Variants in DOCK4 observed in about 807,000 individuals in gnomAD.
DOCK4 encodes dedicator of cytokinesis 4, also known as dedicator of cytokinesis protein 4.
In DOCK4, 97 loss-of-function variants were observed where a neutral mutation model predicts 268.1. The observed-to-expected ratio is 0.36, with a 90% confidence interval of 0.31 to 0.43. DOCK4 has a LOEUF of 0.43. DOCK4 is among the 20% of genes least tolerant of loss of function. The probability of loss-of-function intolerance (pLI) is 1.00; values close to 1 mark genes in which losing one functional copy is unlikely to be tolerated. For missense variants in DOCK4, 2,145 were observed against 2,455.7 expected (o/e 0.87, Z 2.67); for synonymous variants, 954 against 887.2 (o/e 1.08, Z -1.34).
chr7:111,847,266 T>C lies in DOCK4; in HGVS notation c.2474-140A>G, dbSNP rs75617211. 465 of 1,081,142 alleles carry C rather than the reference T, an allele frequency of 4.3e-4. 3 individuals carry two copies. In the African/African-American group the frequency reaches 6.7e-3, roughly 16 times the overall value. The allele number at this position is 1,081,142 out of a possible 1,614,324, so 67.0% of individuals were successfully genotyped here. ...TTACAAAGGTATTAGTTCTACAAGGTTTATATTGAAAAACAGCAGTTCCTT... is the reference window on the plus strand; with the variant it reads ...TTACAAAGGTATTAGTTCTACAAGGCTTATATTGAAAAACAGCAGTTCCTT... On this transcript the variant is annotated intron_variant, in intron 23 of 52. Transcript: ENST00000428084.
intron 17 of DOCK4, among the ~76,000 whole-genome samples, chr7:111,875,957 ACC>A (rs1382452874): frequency 3.3e-5 from 5 of 152,224 alleles, no homozygotes; most frequent in Non-Finnish European, 7.3e-5. Context: ...AAACTCTACT[ACC>A]CACACACACC....
At chr7:111,752,577 G>A (rs1585876429) in intron 42 of DOCK4, among the ~76,000 whole-genome samples, 1 of 131,576 alleles carries the variant, frequency 7.6e-6, no homozygotes, top group East Asian at 2.2e-4. Context: ...AATCAGCTTA[G>A]GTTTTTTTTT....
chr7:111,819,922 T>C (rs1216516012), intron 27 of DOCK4: 1 of 152,226 alleles, frequency 6.6e-6, no homozygotes, highest in Admixed American at 6.5e-5. Flanking sequence ...GAGACATAGA[T>C]GTAACTCCTG....
intron 24 of DOCK4, among the ~76,000 whole-genome samples, chr7:111,846,413 C>A (rs1218655347): frequency 1.3e-5 from 2 of 152,040 alleles, no homozygotes; most frequent in East Asian, 3.8e-4. Flanking sequence ...GCATGTGATT[C>A]TTCTCATTTT....
intron 1 of DOCK4, among the ~76,000 whole-genome samples, chr7:112,111,821 A>T (rs1811680628): frequency 6.6e-6 from 1 of 152,208 alleles, no homozygotes; most frequent in Admixed American, 6.5e-5. Flanking sequence ...CATGTAAAAA[A>T]GAGTTGAGTA....
In DOCK4 at chr7:111,977,255, G is replaced by A. The variant is rs757120759; in HGVS notation, c.578C>T (p.Thr193Ile). 1.2e-6 allele frequency: 2 copies of A among 1,606,442 alleles called. No homozygotes were observed. Among genetic ancestry groups the A allele is most frequent in the South Asian group, 1.1e-5 (1 of 89,328 alleles). Residue 193 changes from threonine (T) to isoleucine (I), a missense_variant, in exon 8 of 53, where the codon ACC becomes ATC. By Grantham distance (89) the Thr-to-Ile change is moderately conservative. This residue lies in a region of DOCK4 where 1,598 missense variants were observed against 1,986.7 expected (regional missense o/e 0.80). Coordinates refer to ENST00000428084, the MANE Select transcript of DOCK4 (RefSeq NM_001363540.2). Reference sequence around the variant, plus strand: ...GTGGTGACTGCTGGCCTGCACCGGGGTGTCTTTCTTCCGATGTCGATGTTC... The same window carrying A: ...GTGGTGACTGCTGGCCTGCACCGGGATGTCTTTCTTCCGATGTCGATGTTC... ...LMEHRHRKKD[T>I]PVQASSHHLF...
At chr7:111,919,131 A>C (rs1015187241) in intron 12 of DOCK4, among the ~76,000 whole-genome samples, 2 of 152,166 alleles carry the variant, frequency 1.3e-5, no homozygotes, top group Non-Finnish European at 2.9e-5. Context: ...AAAACAAAAA[A>C]CAAAAACAAA....
intron 2 of DOCK4, among the ~76,000 whole-genome samples, chr7:112,003,272 T>C (rs58339350): frequency 0.038 from 5,725 of 151,340 alleles, 208 homozygotes; most frequent in East Asian, 0.19. Flanking sequence ...CCGGTGGTCC[T>C]AGCTACTTGG....
chr7:111,972,500 T>C (rs1014150701), intron 8 of DOCK4, among the ~76,000 whole-genome samples: 1 of 152,190 alleles, frequency 6.6e-6, no homozygotes, highest in Non-Finnish European at 1.5e-5. Context: ...GAATTTTTTT[T>C]TTAAAGTACT....
intron 30 of DOCK4, among the ~76,000 whole-genome samples, chr7:111,795,493 A>G (rs563322673): frequency 6.6e-6 from 1 of 152,308 alleles, no homozygotes; most frequent in Non-Finnish European, 1.5e-5. Context: ...GAGTACACAG[A>G]GGTTAAAGTC....
At chr7:112,014,384 T>G (rs1801628366) in intron 1 of DOCK4, among the ~76,000 whole-genome samples, 1 of 152,200 alleles carries the variant, frequency 6.6e-6, no homozygotes. Flanking sequence ...GGACTAGTAT[T>G]CCAACCAGCA....
At chr7:112,136,059 T>C (rs955330630) in intron 1 of DOCK4, among the ~76,000 whole-genome samples, 1 of 152,182 alleles carries the variant, frequency 6.6e-6, no homozygotes, top group Non-Finnish European at 1.5e-5. Flanking sequence ...GGGGAATTAT[T>C]TGGGCCAATT....
intron 1 of DOCK4, among the ~76,000 whole-genome samples, chr7:112,036,481 T>C (rs1803776600): frequency 6.6e-6 from 1 of 152,080 alleles, no homozygotes; most frequent in South Asian, 2.1e-4. Flanking sequence ...TAATCTCTGG[T>C]TTCATAACAG....
chr7:111,822,183 A>G (rs1802036155), intron 27 of DOCK4, among the ~76,000 whole-genome samples, 179 bp downstream of exon 27: 1 of 152,194 alleles, frequency 6.6e-6, no homozygotes, highest in African/African-American at 2.4e-5. Flanking sequence ...CGATTTCTGA[A>G]TGATGTTAAT....
intron 1 of DOCK4, among the ~76,000 whole-genome samples, chr7:112,038,637 T>G (rs1402994853): frequency 6.6e-6 from 1 of 152,162 alleles, no homozygotes; most frequent in Non-Finnish European, 1.5e-5. Context: ...TCAGTGTCAT[T>G]AAGTGTGTGT....
At chr7:111,900,663 T>C in intron 14 of DOCK4, 127 bp from the exon 15 acceptor site, 2 of 973,290 alleles carry the variant, frequency 2.1e-6, no homozygotes, top group South Asian at 3.5e-5. Flanking sequence ...TCGCTGGGCC[T>C]TTGCCGTGTG....
intron 1 of DOCK4, among the ~76,000 whole-genome samples, chr7:112,141,094 C>T (rs1441100134): frequency 6.6e-6 from 1 of 152,174 alleles, no homozygotes; most frequent in Non-Finnish European, 1.5e-5. Flanking sequence ...TTCCAAGAAG[C>T]ATCTTGCATC....
intron 13 of DOCK4, among the ~76,000 whole-genome samples, chr7:111,910,495 G>A (rs1792005905): frequency 6.6e-6 from 1 of 152,164 alleles, no homozygotes; most frequent in South Asian, 2.1e-4. Context: ...AAAACAGAGT[G>A]TAAAATAACT....
intron 1 of DOCK4, among the ~76,000 whole-genome samples, chr7:112,174,977 G>C (rs368340275): frequency 1.8e-4 from 22 of 123,952 alleles, no homozygotes; most frequent in Non-Finnish European, 3.2e-4. Flanking sequence ...GTCTCACTCT[G>C]TTGCCCAGGC....
Sources: gnomAD v4.1 joint callset for allele counts (sites outside exome capture counted in the v4.1 genomes callset) on GRCh38, gnomAD v4.1.1 for gene constraint, gnomAD v4.1.1 regional missense constraint, MANE v1.5 for transcripts, NCBI Gene and HGNC (gene_info 2026-07-23, HGNC 2026-07-21) for gene names.